SHCBP1: variants seen among roughly 807,000 people sequenced by gnomAD.
SHCBP1 encodes the protein SHC SH2 domain-binding protein 1.
A neutral mutation model predicts 75.1 loss-of-function variants in SHCBP1; 60 were observed. The ratio of observed to expected loss-of-function variants is 0.80; its 90% confidence interval spans 0.65 to 0.99. The LOEUF is 0.99. Among genes scored for constraint, SHCBP1 ranks in the 50% least tolerant of loss-of-function variants. SHCBP1 has a pLI of 0.00. For synonymous variants in SHCBP1, 290 were observed against 293.2 expected, an observed-to-expected ratio of 0.99 and a Z score of 0.11; for missense variants, 709 against 809.4, an observed-to-expected ratio of 0.88 and a Z score of 1.50.
intron 1 of SHCBP1, chr16:46,620,962 A>T (rs563888130): frequency 5.4e-6 from 2 of 368,502 alleles, no homozygotes; most frequent in Non-Finnish European, 9.7e-6. Flanking sequence ...TTCCCGCAAA[A>T]CCCATCCAGA....
In SHCBP1 at chr16:46,607,920, GT is replaced by G. The variant is rs1965348980; in HGVS notation, c.689+376del. On this transcript the variant is annotated intron_variant, in intron 5 of 12. Transcript: ENST00000303383. ...CTTCTATAATTCAAATAATGTCACTGTTTTTCAAACAATCGAATTTAACAAA... is the reference window on the plus strand; with the variant it reads ...CTTCTATAATTCAAATAATGTCACTGTTTTCAAACAATCGAATTTAACAAA... Among the ~76,000 whole-genome samples, 4 of 152,254 alleles carry G rather than the reference GT, an allele frequency of 2.6e-5. No individual in the cohort carries two copies. The South Asian group carries it at 8.3e-4, about 32-fold the overall frequency.
chr16:46,579,993 C>T lies in SHCBP1; in HGVS notation c.*1736G>A, dbSNP rs1490161979. 1.3e-5 allele frequency among the ~76,000 whole-genome samples: 2 copies of T among 150,512 alleles called. No individual in the cohort carries two copies. Among genetic ancestry groups the T allele is most frequent in the Non-Finnish European group, 3.0e-5 (2 of 67,702 alleles). ...AAAAAAAATTAGCTGGGCATGGTGG[C>T]GGGCACCTATAATCCCAGCTACTCA... On this transcript the variant is annotated 3_prime_UTR_variant, in exon 13 of 13. Coordinates refer to ENST00000303383, the MANE Select transcript of SHCBP1 (RefSeq NM_024745.5).
In SHCBP1 at chr16:46,595,580, A is replaced by G; in HGVS notation, c.1436T>C (p.Met479Thr). The change falls in exon 10 of 13, where the codon ATG (methionine) becomes ACG (threonine). Residue 479 changes from methionine to threonine, a missense_variant. Physicochemically the swap from Met to Thr is moderately conservative, Grantham distance 81. Transcript: ENST00000303383. ...VTVRTSAEFL[M>T]KNSDLYGAKG... is the part of the protein sequence containing the mutation. Reference sequence around the variant, plus strand: ...GGCGCCATATAAATCCGAGTTCTTCATTAGAAACTCTGCTGATGTCCGCAC... The same window carrying G: ...GGCGCCATATAAATCCGAGTTCTTCGTTAGAAACTCTGCTGATGTCCGCAC... The G allele has an allele frequency of 6.2e-7, 1 of 1,614,160 alleles. No homozygotes were observed. The highest frequency in any genetic ancestry group is 8.5e-7 in the Non-Finnish European group (1 of 1,180,008).
At chr16:46,591,165 T>A (rs1238338181) in intron 10 of SHCBP1, among the ~76,000 whole-genome samples, 3 of 151,980 alleles carry the variant, frequency 2.0e-5, no homozygotes, top group African/African-American at 7.3e-5. Flanking sequence ...TGGGGCCTGT[T>A]GTGGGGTGAG....
At chr16:46,595,132 T>A (rs1040391958) in intron 10 of SHCBP1, among the ~76,000 whole-genome samples, 1 of 152,188 alleles carries the variant, frequency 6.6e-6, no homozygotes, top group Non-Finnish European at 1.5e-5. Context: ...GAGGGCAGCA[T>A]GAGGGGTCCC....
chr16:46,598,668 C>T (rs1426691056), intron 9 of SHCBP1, among the ~76,000 whole-genome samples: 3 of 152,212 alleles, frequency 2.0e-5, no homozygotes, highest in Non-Finnish European at 4.4e-5. Flanking sequence ...GTTACATTCA[C>T]TCATAACAAG....
chr16:46,593,214 T>A (rs2142998891), intron 10 of SHCBP1, among the ~76,000 whole-genome samples: 1 of 151,910 alleles, frequency 6.6e-6, no homozygotes, highest in African/African-American at 2.4e-5. Flanking sequence ...ATATAGAAAA[T>A]CCCAAGGAAT....
intron 4 of SHCBP1, 38 bp from the exon 5 acceptor site, chr16:46,608,427 G>A (rs754869763): frequency 1.4e-6 from 2 of 1,398,238 alleles, no homozygotes; most frequent in East Asian, 4.6e-5. Context: ...TTCTATCACT[G>A]GCTCAAAACA....
Position 46,581,831 on chromosome 16 carries a change from C to T in SHCBP1, c.1917G>A (p.Thr639=), listed in dbSNP as rs777829075. The change falls in exon 13 of 13, where the codon ACG becomes ACA. Residue 639 remains threonine, a synonymous_variant. Transcript: ENST00000303383. ...GTGACATTAAGTTGTCATCAGCTTGCGTGATCCCCAGTTCACTCAACCTTT... is the reference window on the plus strand; with the variant it reads ...GTGACATTAAGTTGTCATCAGCTTGTGTGATCCCCAGTTCACTCAACCTTT... ...KKKRLSELGI[T]QADDNLMSQE... is the part of the protein sequence containing the mutation. 7.8e-5 allele frequency: 126 copies of T among 1,614,054 alleles called. No homozygotes were observed. The highest frequency in any genetic ancestry group is 9.8e-5 in the Non-Finnish European group (116 of 1,180,026).
intron 9 of SHCBP1, among the ~76,000 whole-genome samples, chr16:46,596,167 C>T (rs1237242190): frequency 6.6e-6 from 1 of 152,018 alleles, no homozygotes; most frequent in Non-Finnish European, 1.5e-5. Flanking sequence ...CTATTTTTTA[C>T]TGAAGGGTTA....
At position 46,618,218 on chromosome 16, in the gene SHCBP1, T is replaced by C; in HGVS notation, c.258A>G (p.Gln86=). ...LLFYERFRAY[Q]DYILADCKAS... is the part of the protein sequence containing the mutation. ...AAACCTACTCACCTAAAATGTAATC[T>C]TGATAGGCTCTGAATCGCTCATAGA... The change falls in exon 2 of 13, where the codon CAA becomes CAG. Residue 86 remains glutamine (Q), a synonymous_variant. Coordinates refer to ENST00000303383, the MANE Select transcript of SHCBP1 (RefSeq NM_024745.5). 1 of 1,590,200 alleles carries C rather than the reference T, an allele frequency of 6.3e-7. No individual in the cohort carries two copies. Among genetic ancestry groups the C allele is most frequent in the Non-Finnish European group, 8.5e-7 (1 of 1,173,712 alleles).
intron 5 of SHCBP1, 95 bp downstream of exon 5, chr16:46,608,202 G>GGTGT (rs763550599): frequency 1.2e-5 from 8 of 665,680 alleles, no homozygotes; most frequent in South Asian, 3.8e-5. Flanking sequence ...AGTGAGTGTG[G>GGTGT]GTGTGTGTGT....
At chr16:46,593,597 T>C (rs1239677604) in intron 10 of SHCBP1, among the ~76,000 whole-genome samples, 1 of 152,030 alleles carries the variant, frequency 6.6e-6, no homozygotes, top group African/African-American at 2.4e-5. Flanking sequence ...GTTAGCTCAG[T>C]GTTGTGCCAT....
At chr16:46,598,728 C>T (rs1965183593) in intron 9 of SHCBP1, among the ~76,000 whole-genome samples, 4 of 152,192 alleles carry the variant, frequency 2.6e-5, no homozygotes, top group Non-Finnish European at 5.9e-5. Flanking sequence ...GACTTCTCCT[C>T]TCTAACTATG....
intron 8 of SHCBP1, among the ~76,000 whole-genome samples, chr16:46,600,964 C>T (rs1040752983): frequency 1.3e-5 from 2 of 151,730 alleles, no homozygotes; most frequent in Non-Finnish European, 2.9e-5. Flanking sequence ...GAGAGGAGAT[C>T]GTGCCACTGC....
intron 10 of SHCBP1, among the ~76,000 whole-genome samples, chr16:46,590,722 G>A (rs955654139): frequency 6.6e-6 from 1 of 152,214 alleles, no homozygotes; most frequent in Non-Finnish European, 1.5e-5. Context: ...GTTGGTGGGA[G>A]TGTATATTAG....
At chr16:46,583,392 C>T (rs1596667465) in intron 12 of SHCBP1, 124 bp downstream of exon 12, 2 of 994,240 alleles carry the variant, frequency 2.0e-6, no homozygotes, top group East Asian at 5.3e-5. Context: ...GCTTCTCTCT[C>T]TCCATGCCCA....
intron 1 of SHCBP1, among the ~76,000 whole-genome samples, 191 bp downstream of exon 1, chr16:46,621,066 G>T (rs1183233299): frequency 6.6e-6 from 1 of 152,222 alleles, no homozygotes; most frequent in Non-Finnish European, 1.5e-5. Flanking sequence ...ATAGGGAAGA[G>T]AGGGAGTCCC....
In SHCBP1 at chr16:46,583,723, CT is replaced by C. The variant is rs1303747141; in HGVS notation, c.1552-67del. ...CAACATTTCCTGCCTTAAAAATCTT[CT>C]TTATTCACACTATTCTAAAAATAAA... On this transcript the variant is annotated intron_variant, in intron 11 of 12. Coordinates refer to ENST00000303383, the MANE Select transcript of SHCBP1 (RefSeq NM_024745.5). 4 of 1,535,514 alleles carry C rather than the reference CT, an allele frequency of 2.6e-6. No homozygotes were observed. The South Asian group carries it at 3.6e-5, about 14-fold the overall frequency.
Sources: allele counts gnomAD v4.1 joint callset (sites outside exome capture counted in the v4.1 genomes callset), GRCh38; gene constraint gnomAD v4.1.1; transcripts MANE v1.5; gene names NCBI Gene and HGNC (gene_info 2026-07-23, HGNC 2026-07-21).